LSAMP: variants seen among roughly 807,000 people sequenced by gnomAD.
LSAMP encodes limbic system-associated membrane protein.
LSAMP carries 7 observed loss-of-function variants against 38.6 expected under a neutral mutation model. The ratio of observed to expected loss-of-function variants is 0.18; its 90% CI spans 0.10 to 0.34. LSAMP has a LOEUF of 0.34. LSAMP is among the 10% of genes least tolerant of loss of function. The pLI is 1.00. For missense variants in LSAMP, 313 were observed against 420.0 expected, an observed-to-expected ratio of 0.75 and a Z score of 2.23; for synonymous variants, 154 against 166.8, an observed-to-expected ratio of 0.92 and a Z score of 0.59.
At chr3:116,417,838 G>T (rs2049072399) in intron 1 of LSAMP, among the ~76,000 whole-genome samples, 1 of 151,520 alleles carries the variant, frequency 6.6e-6, no homozygotes, top group Non-Finnish European at 1.5e-5. Flanking sequence ...AAAGTATTTT[G>T]CTGTGTCTCT....
chr3:116,063,344 C>G (rs1306643234), intron 2 of LSAMP, among the ~76,000 whole-genome samples: 1 of 152,070 alleles, frequency 6.6e-6, no homozygotes, highest in Non-Finnish European at 1.5e-5. Flanking sequence ...CCCTGAAGAA[C>G]AAAATCCAGC....
chr3:116,320,963 A>G (rs144833974), intron 1 of LSAMP, among the ~76,000 whole-genome samples: 1 of 152,102 alleles, frequency 6.6e-6, no homozygotes, highest in Non-Finnish European at 1.5e-5. Flanking sequence ...TTCCTCCCCA[A>G]ACATGTCCCT....
chr3:115,946,745 C>CAA (rs561735090), intron 3 of LSAMP, among the ~76,000 whole-genome samples: 2 of 149,556 alleles, frequency 1.3e-5, no homozygotes, highest in African/African-American at 4.9e-5. Context: ...CCAGAGAATA[C>CAA]AAAAAAAAAG....
At chr3:116,342,287 C>T (rs2048006514) in intron 1 of LSAMP, among the ~76,000 whole-genome samples, 1 of 152,002 alleles carries the variant, frequency 6.6e-6, no homozygotes, top group African/African-American at 2.4e-5. Flanking sequence ...TCCATTACCC[C>T]ACTCTTTAGA....
chr3:115,987,990 A>C (rs1939561656), intron 3 of LSAMP, among the ~76,000 whole-genome samples: 1 of 152,112 alleles, frequency 6.6e-6, no homozygotes, highest in Non-Finnish European at 1.5e-5. Flanking sequence ...ATTTATATAA[A>C]GCTAAATATG....
intron 1 of LSAMP, among the ~76,000 whole-genome samples, chr3:116,349,555 T>A (rs1435649795): frequency 6.6e-6 from 1 of 151,424 alleles, no homozygotes; most frequent in Admixed American, 6.6e-5. Context: ...TCCTTCATAA[T>A]TTTTTAGCAT....
In LSAMP at chr3:116,201,088, C is replaced by T. The variant is rs568798589; in HGVS notation, c.156-114532G>A. ...GAAATGAGAGCAGAGAAGAATTCAT[C>T]GGATGGGTGGGTTAGCTGTTTGATC... On this transcript the variant is annotated intron_variant, in intron 1 of 6. Transcript: ENST00000490035. Among the ~76,000 whole-genome samples, 16 of 152,300 alleles carry T rather than the reference C, an allele frequency of 1.1e-4. No homozygotes were observed. In the East Asian group the frequency reaches 1.9e-3, roughly 18 times the overall value.
At chr3:115,816,826 G>A (rs986501454) in intron 6 of LSAMP, among the ~76,000 whole-genome samples, 1 of 152,284 alleles carries the variant, frequency 6.6e-6, no homozygotes, top group African/African-American at 2.4e-5. Context: ...GAAAGAGATT[G>A]TTTTGTTGGA....
At chr3:115,870,335 T>C (rs894431218) in intron 3 of LSAMP, among the ~76,000 whole-genome samples, 3 of 152,140 alleles carry the variant, frequency 2.0e-5, no homozygotes, top group African/African-American at 7.2e-5. Flanking sequence ...TTTTTTTAAG[T>C]TGGGGAATAT....
Position 116,033,615 on chromosome 3 carries a change from C to T in LSAMP, c.389-13975G>A, listed in dbSNP as rs185347629. Among the ~76,000 whole-genome samples, 4 of 152,212 alleles carry T rather than the reference C, an allele frequency of 2.6e-5. 1 individual carries two copies. In the East Asian group the frequency reaches 7.7e-4, roughly 29 times the overall value. Reference sequence around the variant, plus strand: ...AAAGCAGTCTCTCCGTAACATGCTGCGGGGCCAGAGCACTCTAGCGAATGA... The same window carrying T: ...AAAGCAGTCTCTCCGTAACATGCTGTGGGGCCAGAGCACTCTAGCGAATGA... On this transcript the variant is annotated intron_variant, in intron 2 of 6. Coordinates refer to ENST00000490035, the MANE Select transcript of LSAMP (RefSeq NM_002338.5).
At chr3:115,983,459 T>G (rs1018961626) in intron 3 of LSAMP, among the ~76,000 whole-genome samples, 3 of 152,148 alleles carry the variant, frequency 2.0e-5, no homozygotes, top group Admixed American at 6.5e-5. Flanking sequence ...AGGTCCAGGC[T>G]GCAGCAAGCC....
chr3:115,900,612 A>G (rs1936851240), intron 3 of LSAMP, among the ~76,000 whole-genome samples: 1 of 152,128 alleles, frequency 6.6e-6, no homozygotes, highest in Admixed American at 6.6e-5. Flanking sequence ...GTGAACTCTC[A>G]ATATTTGCTA....
intron 1 of LSAMP, among the ~76,000 whole-genome samples, chr3:116,152,002 A>T (rs957415293): frequency 6.6e-6 from 1 of 152,044 alleles, no homozygotes; most frequent in Non-Finnish European, 1.5e-5. Flanking sequence ...TTTTAAATTT[A>T]TCTGATCTAT....
intron 1 of LSAMP, among the ~76,000 whole-genome samples, chr3:116,271,882 A>G (rs1257976172): frequency 6.6e-5 from 10 of 152,060 alleles, no homozygotes; most frequent in Admixed American, 6.6e-4. Flanking sequence ...TAAGAATAGA[A>G]GGAAGTAAAA....
intron 3 of LSAMP, among the ~76,000 whole-genome samples, chr3:115,993,939 G>A (rs1342028117): frequency 6.6e-6 from 1 of 152,088 alleles, no homozygotes; most frequent in Non-Finnish European, 1.5e-5. Context: ...ATGCAGAGAT[G>A]TCTTCTAGGT....
At chr3:116,007,332 G>T (rs1940190718) in intron 3 of LSAMP, among the ~76,000 whole-genome samples, 1 of 152,030 alleles carries the variant, frequency 6.6e-6, no homozygotes, top group Non-Finnish European at 1.5e-5. Context: ...AGTTTCTTAA[G>T]TGACATGGGG....
intron 3 of LSAMP, among the ~76,000 whole-genome samples, chr3:115,941,844 G>A (rs932309389): frequency 6.6e-6 from 1 of 152,066 alleles, no homozygotes; most frequent in African/African-American, 2.4e-5. Flanking sequence ...TTTCAAATAT[G>A]AGACAAACAA....
Position 115,808,346 on chromosome 3 carries a change from T to C in LSAMP, c.*1971A>G, listed in dbSNP as rs1344212378. 6.6e-6 allele frequency: 1 copy of C among 152,022 alleles called. No homozygotes were observed. The highest frequency in any genetic ancestry group is 1.5e-5 in the Non-Finnish European group (1 of 67,998). 9.4% of individuals were successfully genotyped at this position (152,022 alleles called of 1,614,324 possible). ...CTCAAAATAATTCTCTGTCCTCTCATGAACTGAACCACTTTCAGTGCTTAC... is the reference window on the plus strand; with the variant it reads ...CTCAAAATAATTCTCTGTCCTCTCACGAACTGAACCACTTTCAGTGCTTAC... On this transcript the variant is annotated 3_prime_UTR_variant, in exon 7 of 7. Coordinates refer to ENST00000490035, the MANE Select transcript of LSAMP (RefSeq NM_002338.5).
At chr3:116,038,821 A>G (rs1447872325) in intron 2 of LSAMP, among the ~76,000 whole-genome samples, 3 of 152,226 alleles carry the variant, frequency 2.0e-5, no homozygotes, top group African/African-American at 7.2e-5. Context: ...AAGACAAAAG[A>G]CTGAGATCTT....
Sources: allele counts gnomAD v4.1 joint callset (sites outside exome capture counted in the v4.1 genomes callset), GRCh38; gene constraint gnomAD v4.1.1; transcripts MANE v1.5; gene names NCBI Gene and HGNC (gene_info 2026-07-23, HGNC 2026-07-21).